PKHD1: variants seen among roughly 807,000 people sequenced by gnomAD.
PKHD1 encodes PKHD1 ciliary IPT domain containing fibrocystin/polyductin, also known as fibrocystin.
A neutral mutation model predicts 412.0 loss-of-function variants in PKHD1; 291 were observed. The ratio of observed to expected loss-of-function variants is 0.71; its 90% CI spans 0.64 to 0.78. The LOEUF (loss-of-function observed/expected upper bound fraction) is 0.78, where lower values mean the gene tolerates loss of function less well. Among genes scored for constraint, PKHD1 ranks in the 30% least tolerant of loss-of-function variants. The probability of loss-of-function intolerance (pLI) is 0.00; values close to 1 mark genes in which losing one functional copy is unlikely to be tolerated. For synonymous variants in PKHD1, 1,777 were observed against 1,821.5 expected (o/e 0.98, Z 0.62); for missense variants, 4,825 against 4,950.7 (o/e 0.97, Z 0.76).
intron 35 of PKHD1, among the ~76,000 whole-genome samples, chr6:51,976,705 T>G (rs1414225419): frequency 2.0e-5 from 3 of 152,224 alleles, no homozygotes; most frequent in African/African-American, 4.8e-5. Context: ...ATCCTAGTAC[T>G]TTGGGAAGCC....
intron 27 of PKHD1, among the ~76,000 whole-genome samples, chr6:52,042,394 T>C (rs1044702560): frequency 6.6e-6 from 1 of 152,232 alleles, no homozygotes; most frequent in Non-Finnish European, 1.5e-5. Context: ...CCTGAGATTC[T>C]TGCAATCTGG....
intron 29 of PKHD1, among the ~76,000 whole-genome samples, chr6:52,031,205 G>A (rs928591425): frequency 1.3e-5 from 2 of 152,206 alleles, no homozygotes; most frequent in African/African-American, 4.8e-5. Flanking sequence ...GATAAAAGAA[G>A]TTAAATATCT....
intron 57 of PKHD1, among the ~76,000 whole-genome samples, chr6:51,752,894 G>T (rs1786330352): frequency 6.6e-6 from 1 of 152,162 alleles, no homozygotes; most frequent in South Asian, 2.1e-4. Flanking sequence ...ATTCAGGAAA[G>T]AGATAAAATT....
chr6:51,992,705 A>G (rs1443308042), intron 35 of PKHD1, among the ~76,000 whole-genome samples: 1 of 152,228 alleles, frequency 6.6e-6, no homozygotes, highest in Non-Finnish European at 1.5e-5. Context: ...CTGTGGCCCA[A>G]ATTTCATGCC....
chr6:51,775,512 T>C (rs1420953902), intron 54 of PKHD1, among the ~76,000 whole-genome samples: 1 of 151,946 alleles, frequency 6.6e-6, no homozygotes, highest in Non-Finnish European at 1.5e-5. Context: ...GTTGATAATA[T>C]TGACTCAGTC....
chr6:51,723,973 T>A (rs994268008), intron 60 of PKHD1, among the ~76,000 whole-genome samples: 4 of 152,164 alleles, frequency 2.6e-5, no homozygotes, highest in African/African-American at 9.7e-5. Context: ...AGAAAGGTAT[T>A]TGCTCTGGTA....
rs1330089237 is a variant in PKHD1 at position 51,772,562 on chromosome 6, T to C, written c.8642+140A>G. The stretch of plus-strand genomic sequence containing the variant: ...ATAGAGATATTTTTTAAATTCCCTA[T>C]AATCGCTTATTTTTCTACTTGCTCA... On this transcript the variant is annotated intron_variant, in intron 55 of 66. Coordinates refer to ENST00000371117, the MANE Select transcript of PKHD1 (RefSeq NM_138694.4). The C allele has an allele frequency of 5.5e-6, 3 of 548,020 alleles. No homozygotes were observed. In the African/African-American group the frequency reaches 5.7e-5, roughly 10 times the overall value. The allele number at this position is 548,020 out of a possible 1,614,324, so 33.9% of individuals were successfully genotyped here. A position where few individuals can be genotyped will look rare whatever the true frequency, so the allele number is the denominator to read the frequency against.
At chr6:51,734,978 AG>A in intron 60 of PKHD1, among the ~76,000 whole-genome samples, 1 of 152,318 alleles carries the variant, frequency 6.6e-6, no homozygotes, top group South Asian at 2.1e-4. Context: ...ATGGATGTTT[AG>A]GAATAGCTGT....
chr6:51,970,999 T>C (rs1793590723), intron 35 of PKHD1, among the ~76,000 whole-genome samples: 1 of 152,190 alleles, frequency 6.6e-6, no homozygotes, highest in Admixed American at 6.5e-5. Flanking sequence ...GATGTTGACA[T>C]TTTGATAGTA....
chr6:51,961,766 C>T (rs1792079630), intron 35 of PKHD1, among the ~76,000 whole-genome samples: 1 of 152,130 alleles, frequency 6.6e-6, no homozygotes, highest in East Asian at 1.9e-4. Context: ...GTGTCAGCTG[C>T]GAGTCCATGA....
chr6:51,739,273 C>A (rs948977158), intron 60 of PKHD1, among the ~76,000 whole-genome samples: 1 of 151,682 alleles, frequency 6.6e-6, no homozygotes, highest in Non-Finnish European at 1.5e-5. Flanking sequence ...CTCTGTCAAC[C>A]AGGCTGGAGT....
At chr6:51,903,334 C>A (rs186136337) in intron 43 of PKHD1, among the ~76,000 whole-genome samples, 53 of 152,274 alleles carry the variant, frequency 3.5e-4, no homozygotes, top group Non-Finnish European at 6.0e-4. Context: ...GCCCACAGGT[C>A]GTATGCAGCC....
chr6:51,904,034 T>C lies in PKHD1; in HGVS notation c.6817A>G (p.Thr2273Ala). The C allele has an allele frequency of 6.3e-7, 1 of 1,591,956 alleles. No homozygotes were observed. The highest frequency in any genetic ancestry group is 1.1e-5 in the South Asian group (1 of 90,684). The change falls in exon 42 of 67, where the codon ACG (threonine) becomes GCG (alanine). Residue 2273 changes from threonine (T) to alanine (A), a missense_variant. Thr to Ala is a moderately conservative substitution (Grantham distance 58). Transcript: ENST00000371117. The stretch of plus-strand genomic sequence containing the variant: ...TCCCAGGAGATATATCTCATCTCCG[T>C]GCATGTCCCTGAGAACAAAAGACCC... ...LGHALLVGTCTEMRYISWEAI... is the reference protein window; with the variant it reads ...LGHALLVGTCAEMRYISWEAI...
intron 60 of PKHD1, among the ~76,000 whole-genome samples, chr6:51,741,894 T>G (rs1020846046): frequency 6.6e-6 from 1 of 152,190 alleles, no homozygotes; most frequent in African/African-American, 2.4e-5. Context: ...GGAACATACA[T>G]CCCTTATGGA....
chr6:51,847,261 T>C (rs774525292), intron 50 of PKHD1, among the ~76,000 whole-genome samples: 38 of 111,364 alleles, frequency 3.4e-4, no homozygotes, highest in Non-Finnish European at 4.8e-4. Flanking sequence ...ATGCCCAGCA[T>C]TTTTTTTTTT....
chr6:51,721,334 T>A, intron 60 of PKHD1: 1 of 621,802 alleles, frequency 1.6e-6, no homozygotes, highest in Non-Finnish European at 2.0e-6. Context: ...TATTGGTATA[T>A]TAGTATTAGT....
intron 63 of PKHD1, among the ~76,000 whole-genome samples, chr6:51,639,203 C>T (rs1482370960): frequency 1.3e-5 from 2 of 152,072 alleles, no homozygotes; most frequent in African/African-American, 2.4e-5. Flanking sequence ...CGATTGCCTA[C>T]AAACTACACA....
At chr6:52,002,216 C>T (rs926032755) in intron 35 of PKHD1, among the ~76,000 whole-genome samples, 6 of 152,168 alleles carry the variant, frequency 3.9e-5, no homozygotes, top group Non-Finnish European at 7.3e-5. Flanking sequence ...TACTATTATA[C>T]GTTTATAGGT....
chr6:51,867,045 T>C (rs1462693480), intron 48 of PKHD1, among the ~76,000 whole-genome samples: 1 of 152,124 alleles, frequency 6.6e-6, no homozygotes, highest in Non-Finnish European at 1.5e-5. Context: ...GTTAGTGCAA[T>C]CCTAACCACA....
Sources: gnomAD v4.1 joint callset for allele counts (sites outside exome capture counted in the v4.1 genomes callset) on GRCh38, gnomAD v4.1.1 for gene constraint, MANE v1.5 for transcripts, NCBI Gene and HGNC (gene_info 2026-07-23, HGNC 2026-07-21) for gene names.